Variants in NFASC observed in about 807,000 individuals in gnomAD.
NFASC encodes the protein neurofascin homolog.
NFASC carries 43 observed loss-of-function variants against 147.5 expected under a neutral mutation model. The ratio of observed to expected loss-of-function variants is 0.29; its 90% CI spans 0.23 to 0.38. The LOEUF is 0.38. Among genes scored for constraint, NFASC ranks in the 10% least tolerant of loss-of-function variants. The pLI is 1.00. For synonymous variants in NFASC, 622 were observed against 665.5 expected, an observed-to-expected ratio of 0.93 and a Z score of 1.01; for missense variants, 1,320 against 1,689.0, an observed-to-expected ratio of 0.78 and a Z score of 3.83.
At chr1:205,009,403 G>A in intron 27 of NFASC, 154 bp from the exon 28 acceptor site, 1 of 816,038 alleles carries the variant, frequency 1.2e-6, no homozygotes. Context: ...TTGTCCTTTA[G>A]CAGGGTAGTT....
Position 204,970,706 on chromosome 1 carries a change from A to C in NFASC, c.1094A>C (p.Lys365Thr). The C allele has an allele frequency of 1.2e-6, 2 of 1,614,164 alleles. No individual in the cohort carries two copies. The highest frequency in any genetic ancestry group is 8.5e-7 in the Non-Finnish European group (1 of 1,180,016). ...RLVCRANGNP[K>T]PTVQWMVNGE... ...GTGTGTCGAGCCAATGGAAACCCCA[A>C]ACCCACTGTCCAGTGGATGGTGAAT... The change falls in exon 11 of 30, where the codon AAA (lysine) becomes ACA (threonine). Residue 365 changes from lysine to threonine, a missense_variant. Lys to Thr is a moderately conservative substitution (Grantham distance 78, BLOSUM62 -1). This residue lies in a region of NFASC where 981 missense variants were observed against 1,289.5 expected (regional missense o/e 0.76). Transcript: ENST00000339876.
Position 204,974,175 on chromosome 1 carries a change from T to G in NFASC, c.1280-4T>G. On this transcript the variant is annotated splice_polypyrimidine_tract_variant and splice_region_variant and intron_variant, in intron 12 of 29. Coordinates refer to ENST00000339876, the MANE Select transcript of NFASC (RefSeq NM_001005388.3). The stretch of plus-strand genomic sequence containing the variant: ...ACTCGAGATTGCTTCTCTGGGAATT[T>G]CAGATGTGCCGCCTCGGATGCTGTC... 6.2e-7 allele frequency: 1 copy of G among 1,612,678 alleles called. No homozygotes were observed. Among genetic ancestry groups the G allele is most frequent in the Non-Finnish European group, 8.5e-7 (1 of 1,179,260 alleles).
chr1:204,896,790 G>A (rs1406663321), intron 1 of NFASC, among the ~76,000 whole-genome samples: 2 of 152,172 alleles, frequency 1.3e-5, no homozygotes, highest in African/African-American at 4.8e-5. Flanking sequence ...GCCATTTATT[G>A]AATTCCTTGT....
chr1:204,855,096 A>G (rs2076036772), intron 1 of NFASC, among the ~76,000 whole-genome samples: 1 of 152,236 alleles, frequency 6.6e-6, no homozygotes, highest in Admixed American at 6.5e-5. Context: ...TGAGTGAGGG[A>G]TAGAGCCAGG....
Position 204,865,313 on chromosome 1 carries a change from A to G in NFASC, c.-200+36531A>G, listed in dbSNP as rs149536876. 5.2e-3 allele frequency among the ~76,000 whole-genome samples: 786 copies of G among 152,312 alleles called. 5 individuals carry two copies. The highest frequency in any genetic ancestry group is 0.018 in the African/African-American group (747 of 41,574). ...AAAATAGAAAACTTATACTGTAATA[A>G]AAGTCATGTGAATGTAGTCTCTCTC... On this transcript the variant is annotated intron_variant, in intron 1 of 29. Transcript: ENST00000339876.
chr1:204,943,227 G>A (rs1204568834), intron 2 of NFASC, among the ~76,000 whole-genome samples: 1 of 152,204 alleles, frequency 6.6e-6, no homozygotes, highest in Non-Finnish European at 1.5e-5. Context: ...ATTTTTTAAA[G>A]TGTATGTTTC....
At chr1:205,000,903 C>G (rs1001436456) in intron 25 of NFASC, 3 of 516,202 alleles carry the variant, frequency 5.8e-6, no homozygotes, top group African/African-American at 5.8e-5. Flanking sequence ...GTTTCCAGCT[C>G]TCCCTCCGAA....
intron 1 of NFASC, among the ~76,000 whole-genome samples, chr1:204,837,900 A>G (rs1674219812): frequency 6.6e-6 from 1 of 152,192 alleles, no homozygotes; most frequent in South Asian, 2.1e-4. Flanking sequence ...GCAGGCTAAG[A>G]TGGCCCACTT....
intron 11 of NFASC, among the ~76,000 whole-genome samples, chr1:204,971,535 A>AG (rs1027698432): frequency 2.0e-5 from 3 of 152,132 alleles, no homozygotes; most frequent in African/African-American, 4.8e-5. Flanking sequence ...GCAGGTGGAG[A>AG]GGGGGGGACA....
At chr1:204,928,547 A>C (rs1287388290) in intron 2 of NFASC, among the ~76,000 whole-genome samples, 1 of 152,254 alleles carries the variant, frequency 6.6e-6, no homozygotes, top group Non-Finnish European at 1.5e-5. Flanking sequence ...AGCATGAAGC[A>C]GCAACCACAT....
chr1:204,984,382 C>CGT (rs1299085353), intron 21 of NFASC: 69 of 134,230 alleles, frequency 5.1e-4, no homozygotes, highest in African/African-American at 1.9e-3. Context: ...TATATATACG[C>CGT]ATATATATAT....
rs1171341341 is a variant in NFASC at position 204,987,755 on chromosome 1, T to C, written c.2593+215T>C. 6.6e-6 allele frequency among the ~76,000 whole-genome samples: 1 copy of C among 152,206 alleles called. No individual in the cohort carries two copies. The highest frequency in any genetic ancestry group is 1.5e-5 in the Non-Finnish European group (1 of 68,024). On this transcript the variant is annotated intron_variant, in intron 22 of 29. Transcript: ENST00000339876. This position sits in a 1 kb window ranked among gnomAD's most constrained non-coding sequence, Gnocchi z 4.4. ...CATAGTTCTGCCTGCAGGGAGCTTCTAGTCTCACTGATGAGACAAAGGGAC... is the reference window on the plus strand; with the variant it reads ...CATAGTTCTGCCTGCAGGGAGCTTCCAGTCTCACTGATGAGACAAAGGGAC...
rs1011218593 is a variant in NFASC at position 204,987,756 on chromosome 1, A to G, written c.2593+216A>G. Among the ~76,000 whole-genome samples, 11 of 152,192 alleles carry G rather than the reference A, an allele frequency of 7.2e-5. No individual in the cohort carries two copies. Among genetic ancestry groups the G allele is most frequent in the African/African-American group, 2.7e-4 (11 of 41,444 alleles). ...ATAGTTCTGCCTGCAGGGAGCTTCTAGTCTCACTGATGAGACAAAGGGACC... is the reference window on the plus strand; with the variant it reads ...ATAGTTCTGCCTGCAGGGAGCTTCTGGTCTCACTGATGAGACAAAGGGACC... On this transcript the variant is annotated intron_variant, in intron 22 of 29. Transcript: ENST00000339876. This position sits in a 1 kb window ranked among gnomAD's most constrained non-coding sequence, Gnocchi z 4.4.
chr1:204,924,104 T>G (rs2091052528), intron 2 of NFASC, among the ~76,000 whole-genome samples: 1 of 152,232 alleles, frequency 6.6e-6, no homozygotes, highest in East Asian at 1.9e-4. Flanking sequence ...GCAACCAGAC[T>G]TCTAGACAAA....
chr1:204,890,524 G>A (rs534984329), intron 1 of NFASC, among the ~76,000 whole-genome samples: 1 of 151,918 alleles, frequency 6.6e-6, no homozygotes. Context: ...AAAGGTCCTT[G>A]AGAAAAAGGA....
intron 24 of NFASC, among the ~76,000 whole-genome samples, chr1:204,991,697 G>T (rs2095740338): frequency 6.6e-6 from 1 of 152,242 alleles, no homozygotes; most frequent in Non-Finnish European, 1.5e-5. Context: ...GCCCTAGAAG[G>T]CGCGCTGCAG....
At chr1:204,848,866 C>T (rs886664947) in intron 1 of NFASC, among the ~76,000 whole-genome samples, 1 of 152,218 alleles carries the variant, frequency 6.6e-6, no homozygotes, top group African/African-American at 2.4e-5. Context: ...TCATTATCAT[C>T]CCTACCCCAG....
At chr1:204,985,269 C>T (rs1489736573) in intron 21 of NFASC, among the ~76,000 whole-genome samples, 2 of 152,224 alleles carry the variant, frequency 1.3e-5, no homozygotes, top group Non-Finnish European at 1.5e-5. Flanking sequence ...CACCATCTTC[C>T]ATAGCTGTCC....
chr1:204,914,158 A>G (rs1353486314), intron 1 of NFASC, among the ~76,000 whole-genome samples: 2 of 152,204 alleles, frequency 1.3e-5, no homozygotes, highest in East Asian at 3.8e-4. Context: ...CTTCAAACTG[A>G]TAAGAATCAA....
Sources: gnomAD v4.1 joint callset for allele counts (sites outside exome capture counted in the v4.1 genomes callset) on GRCh38, gnomAD v4.1.1 for gene constraint, gnomAD v4.1.1 regional missense constraint, Gnocchi (gnomAD v3.1) non-coding constraint, MANE v1.5 for transcripts, NCBI Gene and HGNC (gene_info 2026-07-23, HGNC 2026-07-21) for gene names.